The following PMFBP1 variants were observed in gnomAD, a reference collection of about 807,000 sequenced individuals.
The protein encoded by PMFBP1 is polyamine modulated factor 1 binding protein 1, also known as polyamine-modulated factor 1-binding protein 1.
A neutral mutation model predicts 137.8 loss-of-function variants in PMFBP1; 131 were observed. The ratio of observed to expected loss-of-function variants is 0.95; its 90% CI spans 0.82 to 1.10. The LOEUF (loss-of-function observed/expected upper bound fraction) is 1.10. Among genes scored for constraint, PMFBP1 ranks in the 50% least tolerant of loss-of-function variants. The pLI is 0.00. For missense variants in PMFBP1, 1,199 were observed against 1,175.4 expected (o/e 1.02, Z -0.29); for synonymous variants, 490 against 450.4 (o/e 1.09, Z -1.11).
chr16:72,235,954 T>C, the PMFBP1 span, among the ~76,000 whole-genome samples: 1 of 152,154 alleles, frequency 6.6e-6, no homozygotes, highest in Non-Finnish European at 1.5e-5. Context: ...GAGTATCCCT[T>C]CTTCCTTTCC....
chr16:72,207,896 G>A, the PMFBP1 span, among the ~76,000 whole-genome samples: 15 of 152,080 alleles, frequency 9.9e-5, no homozygotes, highest in African/African-American at 3.4e-4. Flanking sequence ...CCAAATACCT[G>A]AGCATAGTAC....
chr16:72,175,609 A>C (rs2144542717), upstream of PMFBP1, among the ~76,000 whole-genome samples: 1 of 152,244 alleles, frequency 6.6e-6, no homozygotes, highest in Middle Eastern at 3.4e-3. Context: ...TCCTAATCTA[A>C]AACATGTTTC....
At chr16:72,218,367 G>A in the PMFBP1 span, among the ~76,000 whole-genome samples, 6 of 151,454 alleles carry the variant, frequency 4.0e-5, no homozygotes, top group Non-Finnish European at 7.4e-5. Flanking sequence ...GACTTGAGTC[G>A]TCCAGGCTGG....
At chr16:72,204,015 T>C in the PMFBP1 span, among the ~76,000 whole-genome samples, 4 of 152,144 alleles carry the variant, frequency 2.6e-5, no homozygotes, top group Non-Finnish European at 5.9e-5. Context: ...GCCACGCTCA[T>C]GTCCTTCCCG....
At chr16:72,193,488 A>G in the PMFBP1 span, among the ~76,000 whole-genome samples, 1 of 152,152 alleles carries the variant, frequency 6.6e-6, no homozygotes, top group Non-Finnish European at 1.5e-5. Flanking sequence ...GGTGATTATC[A>G]TTATTGCTTA....
At chr16:72,128,546 T>C (rs761159163) in intron 14 of PMFBP1, 111 bp downstream of exon 14, 4 of 1,597,426 alleles carry the variant, frequency 2.5e-6, no homozygotes, top group African/African-American at 1.3e-5. Context: ...GGATCCGCAG[T>C]TGGCTGAGCA....
At chr16:72,173,136 G>C (rs935180471), upstream of PMFBP1, among the ~76,000 whole-genome samples, 3 of 152,172 alleles carry the variant, frequency 2.0e-5, no homozygotes, top group African/African-American at 7.2e-5. Context: ...ATATCTCTGA[G>C]GCTTCATTTC....
chr16:72,175,546 G>A (rs1418978907), upstream of PMFBP1, among the ~76,000 whole-genome samples: 3 of 152,170 alleles, frequency 2.0e-5, no homozygotes, highest in Non-Finnish European at 2.9e-5. Flanking sequence ...AAGGAACACC[G>A]ACTATTCCTT....
At chr16:72,133,124 C>T in intron 9 of PMFBP1, 133 bp from the exon 10 acceptor site, 1 of 932,350 alleles carries the variant, frequency 1.1e-6, no homozygotes, top group South Asian at 1.6e-5. Flanking sequence ...TCCCTGCCTC[C>T]ACTCCTGTTC....
At chr16:72,148,917 A>G (rs1253498674) in intron 5 of PMFBP1, among the ~76,000 whole-genome samples, 1 of 152,202 alleles carries the variant, frequency 6.6e-6, no homozygotes, top group Admixed American at 6.5e-5. Flanking sequence ...ACATCCCAGA[A>G]CTGATGATGA....
At chr16:72,161,292 T>C (rs2043058721) in intron 3 of PMFBP1, among the ~76,000 whole-genome samples, 1 of 151,776 alleles carries the variant, frequency 6.6e-6, no homozygotes, top group African/African-American at 2.4e-5. Flanking sequence ...GAGATGGGGT[T>C]TTGTCATGTT....
chr16:72,191,675 C>A, the PMFBP1 span, among the ~76,000 whole-genome samples: 11,559 of 152,080 alleles, frequency 0.076, 511 homozygotes, highest in Middle Eastern at 0.11. Flanking sequence ...ATCTATTGTA[C>A]GTTCTGGTTC....
Position 72,154,349 on chromosome 16 carries a change from G to A in PMFBP1, c.276C>T (p.Val92=), listed in dbSNP as rs1228661526. The change falls in exon 4 of 21, where the codon GTC becomes GTT. Residue 92 remains valine, a synonymous_variant. Transcript: ENST00000237353. Reference sequence around the variant, plus strand: ...TGTGAAACTCCAGTTCTTGTTGAAGGACCAGCAATTTTTTCTTCAGTTGCT... The same window carrying A: ...TGTGAAACTCCAGTTCTTGTTGAAGAACCAGCAATTTTTTCTTCAGTTGCT... ...QLQQLKKKLL[V]LQQELEFHTE... is the part of the protein sequence containing the mutation. 1 of 1,614,016 alleles carries A rather than the reference G, an allele frequency of 6.2e-7. No homozygotes were observed. Among genetic ancestry groups the A allele is most frequent in the African/African-American group, 1.3e-5 (1 of 74,920 alleles).
intron 19 of PMFBP1, 98 bp downstream of exon 19, chr16:72,122,816 G>A: frequency 6.1e-6 from 7 of 1,143,028 alleles, no homozygotes; most frequent in Non-Finnish European, 8.9e-6. Context: ...CCTTTCCTGG[G>A]CTGATCCCCC....
In PMFBP1 at chr16:72,133,134, C is replaced by A. The variant is rs375759814; in HGVS notation, c.1204-143G>T. The stretch of plus-strand genomic sequence containing the variant: ...GAACCTCCCTGCCTCCACTCCTGTT[C>A]CCCTCAGGCTATTCTCCACGCAGTT... On this transcript the variant is annotated intron_variant, in intron 9 of 20. Coordinates refer to ENST00000237353, the MANE Select transcript of PMFBP1 (RefSeq NM_031293.3). The A allele has an allele frequency of 6.3e-5, 53 of 841,650 alleles. 2 individuals are homozygous for A. The highest frequency in any genetic ancestry group is 4.0e-4 in the Admixed American group (16 of 39,756). The allele number at this position is 841,650 out of a possible 1,614,324, so 52.1% of individuals were successfully genotyped here. A position where few individuals can be genotyped will look rare whatever the true frequency, so the allele number is the denominator to read the frequency against.
At chr16:72,157,972 C>A (rs942134343) in intron 3 of PMFBP1, among the ~76,000 whole-genome samples, 28 of 152,108 alleles carry the variant, frequency 1.8e-4, no homozygotes, top group African/African-American at 6.8e-4. Context: ...GTCTGAGTAA[C>A]TGGGGAGATG....
chr16:72,133,790 A>G (rs1393450455), intron 9 of PMFBP1, among the ~76,000 whole-genome samples: 1 of 152,128 alleles, frequency 6.6e-6, no homozygotes, highest in Non-Finnish European at 1.5e-5. Flanking sequence ...GATAGAAAAC[A>G]CCTGAAACTG....
the PMFBP1 span, among the ~76,000 whole-genome samples, chr16:72,196,829 C>T: frequency 6.6e-6 from 1 of 152,182 alleles, no homozygotes; most frequent in South Asian, 2.1e-4. Flanking sequence ...TGGCCCAATG[C>T]CTTATAGAGA....
intron 16 of PMFBP1, 91 bp from the exon 17 acceptor site, chr16:72,125,025 G>A: frequency 6.7e-7 from 1 of 1,486,978 alleles, no homozygotes; most frequent in Admixed American, 1.9e-5. Context: ...CTGGGCCTTG[G>A]GATACGTGTT....
Sources: gnomAD v4.1 joint callset for allele counts (sites outside exome capture counted in the v4.1 genomes callset) on GRCh38, gnomAD v4.1.1 for gene constraint, MANE v1.5 for transcripts, NCBI Gene and HGNC (gene_info 2026-07-23, HGNC 2026-07-21) for gene names.